Variants in TRDN observed in about 807,000 individuals in gnomAD.
TRDN encodes the protein triadin, also known as triadin in skeletal muscle.
Under a neutral mutation model 149.7 loss-of-function variants are expected in TRDN, and 161 were observed. The ratio of observed to expected loss-of-function variants is 1.08; its 90% CI spans 0.95 to 1.23. The LOEUF is 1.23. Among genes scored for constraint, TRDN ranks in the 50% most tolerant of loss-of-function variants. The probability of loss-of-function intolerance (pLI) is 0.00; values close to 1 mark genes in which losing one functional copy is unlikely to be tolerated. For missense variants in TRDN, 896 were observed against 823.5 expected, an observed-to-expected ratio of 1.09 and a Z score of -1.08; for synonymous variants, 294 against 250.5, an observed-to-expected ratio of 1.17 and a Z score of -1.64.
At chr6:123,513,885 G>A (rs933669494) in intron 6 of TRDN, among the ~76,000 whole-genome samples, 24 of 151,876 alleles carry the variant, frequency 1.6e-4, no homozygotes, top group African/African-American at 5.8e-4. Context: ...TAACTGGAGT[G>A]TTTAACAAAA....
chr6:123,297,742 C>T (rs1778255917), intron 24 of TRDN, among the ~76,000 whole-genome samples: 1 of 151,962 alleles, frequency 6.6e-6, no homozygotes, highest in Non-Finnish European at 1.5e-5. Context: ...CCAGACATCA[C>T]AAATTTCTCT....
chr6:123,616,215 T>C (rs893306032), intron 1 of TRDN, among the ~76,000 whole-genome samples: 4 of 152,032 alleles, frequency 2.6e-5, no homozygotes, highest in African/African-American at 9.7e-5. Flanking sequence ...TGTCGTGGCA[T>C]GTGCCTGTGC....
chr6:123,452,534 T>C (rs1775843866), intron 10 of TRDN, among the ~76,000 whole-genome samples: 1 of 151,604 alleles, frequency 6.6e-6, no homozygotes, highest in South Asian at 2.1e-4. Flanking sequence ...GTTAGGAATA[T>C]GCCTAACCAA....
chr6:123,345,255 T>G (rs1780208330), intron 21 of TRDN, among the ~76,000 whole-genome samples: 1 of 152,024 alleles, frequency 6.6e-6, no homozygotes, highest in Non-Finnish European at 1.5e-5. Flanking sequence ...GTTTTTTGTT[T>G]TCTTTTTTAT....
At chr6:123,403,652 C>T (rs1773075770) in intron 12 of TRDN, among the ~76,000 whole-genome samples, 1 of 152,008 alleles carries the variant, frequency 6.6e-6, no homozygotes, top group Non-Finnish European at 1.5e-5. Flanking sequence ...TCAAAATTCC[C>T]CTATTAAAAT....
At chr6:123,296,369 C>G (rs1281108891) in intron 24 of TRDN, among the ~76,000 whole-genome samples, 1 of 152,090 alleles carries the variant, frequency 6.6e-6, no homozygotes, top group African/African-American at 2.4e-5. Flanking sequence ...AATATCTAAA[C>G]TTTCTACCAC....
intron 24 of TRDN, among the ~76,000 whole-genome samples, chr6:123,314,285 C>A (rs946043074): frequency 6.6e-6 from 1 of 151,922 alleles, no homozygotes; most frequent in African/African-American, 2.4e-5. Flanking sequence ...AAATGCAAAT[C>A]AAAACCCCAA....
At chr6:123,490,170 T>C (rs1778152582) in intron 9 of TRDN, among the ~76,000 whole-genome samples, 1 of 152,134 alleles carries the variant, frequency 6.6e-6, no homozygotes, top group Non-Finnish European at 1.5e-5. Context: ...GAGTGAACAA[T>C]GCATTTCAAA....
intron 22 of TRDN, among the ~76,000 whole-genome samples, chr6:123,333,650 C>T (rs1779749549): frequency 1.3e-5 from 2 of 151,810 alleles, no homozygotes; most frequent in Admixed American, 1.3e-4. Flanking sequence ...TCTCTAACTA[C>T]CCAAGGAAGT....
At chr6:123,567,460 A>G (rs934185374) in intron 2 of TRDN, among the ~76,000 whole-genome samples, 1 of 152,168 alleles carries the variant, frequency 6.6e-6, no homozygotes, top group African/African-American at 2.4e-5. Flanking sequence ...TCATTTATAA[A>G]GAAAAGAAGT....
intron 5 of TRDN, among the ~76,000 whole-genome samples, chr6:123,524,254 A>T (rs1239219856): frequency 7.9e-5 from 12 of 152,196 alleles, no homozygotes; most frequent in Non-Finnish European, 7.3e-5. Context: ...ATAGATGTTA[A>T]TATGGGCTTG....
At chr6:123,514,175 G>T (rs1329251190) in intron 6 of TRDN, among the ~76,000 whole-genome samples, 1 of 152,040 alleles carries the variant, frequency 6.6e-6, no homozygotes, top group Non-Finnish European at 1.5e-5. Context: ...GACCAGCCTG[G>T]CCAACATGGC....
intron 22 of TRDN, among the ~76,000 whole-genome samples, chr6:123,335,933 C>T (rs979849): frequency 0.18 from 27,408 of 151,734 alleles, 3,479 homozygotes; most frequent in East Asian, 0.63. Flanking sequence ...AAATCAAGGA[C>T]GCTGTTTTTA....
intron 38 of TRDN, among the ~76,000 whole-genome samples, chr6:123,241,702 A>G (rs1449348727): frequency 1.3e-5 from 2 of 152,052 alleles, no homozygotes; most frequent in Non-Finnish European, 2.9e-5. Context: ...AAAGTAGTAA[A>G]CTTCTAGAAA....
intron 1 of TRDN, among the ~76,000 whole-genome samples, chr6:123,572,741 A>G (rs1583267888): frequency 6.6e-6 from 1 of 152,124 alleles, no homozygotes; most frequent in African/African-American, 2.4e-5. Flanking sequence ...AATACAGACC[A>G]TATTGTCTAT....
At chr6:123,493,561 G>A (rs1778310996) in intron 9 of TRDN, among the ~76,000 whole-genome samples, 1 of 152,132 alleles carries the variant, frequency 6.6e-6, no homozygotes, top group African/African-American at 2.4e-5. Context: ...TTACTTTTGA[G>A]GGTGTGACAG....
intron 7 of TRDN, among the ~76,000 whole-genome samples, chr6:123,512,025 C>T (rs1779208799): frequency 6.9e-6 from 1 of 145,358 alleles, no homozygotes; most frequent in Admixed American, 7.0e-5. Context: ...TATAACATAG[C>T]CATAGGGATG....
chr6:123,500,563 A>T (rs578143289), intron 8 of TRDN, among the ~76,000 whole-genome samples: 44 of 152,160 alleles, frequency 2.9e-4, no homozygotes, highest in Non-Finnish European at 6.2e-4. Flanking sequence ...TGAGATAATA[A>T]TTTATATAAT....
At chr6:123,587,504 G>A (rs915415824) in intron 1 of TRDN, among the ~76,000 whole-genome samples, 1 of 152,160 alleles carries the variant, frequency 6.6e-6, no homozygotes, top group African/African-American at 2.4e-5. Context: ...TCGGTCTGAG[G>A]ACCTGAGGTC....
Sources: gnomAD v4.1 joint callset for allele counts (sites outside exome capture counted in the v4.1 genomes callset) on GRCh38, gnomAD v4.1.1 for gene constraint, MANE v1.5 for transcripts, NCBI Gene and HGNC (gene_info 2026-07-23, HGNC 2026-07-21) for gene names.